Variants in CCDC30 observed in about 807,000 individuals in gnomAD.
The protein encoded by CCDC30 is coiled-coil domain containing 30.
CCDC30 carries 70 observed loss-of-function variants against 100.2 expected under a neutral mutation model. That is an observed-to-expected ratio of 0.70 (90% CI 0.58 to 0.85). The LOEUF (loss-of-function observed/expected upper bound fraction) is 0.85, where lower values mean the gene tolerates loss of function less well. Ranked by LOEUF, CCDC30 falls within the 40% of genes least tolerant of loss-of-function variation. CCDC30 has a pLI of 0.00. For synonymous variants in CCDC30, 233 were observed against 269.5 expected (o/e 0.86, Z 1.33); for missense variants, 652 against 771.2 (o/e 0.85, Z 1.83).
At chr1:42,584,432 A>G (rs1646028392) in intron 9 of CCDC30, among the ~76,000 whole-genome samples, 1 of 152,070 alleles carries the variant, frequency 6.6e-6, no homozygotes, top group African/African-American at 2.4e-5. Context: ...CTTTACTTAA[A>G]AATACAAAAA....
intron 1 of CCDC30, among the ~76,000 whole-genome samples, chr1:42,470,139 G>A (rs1335810872): frequency 6.6e-6 from 1 of 152,200 alleles, no homozygotes; most frequent in Non-Finnish European, 1.5e-5. Context: ...ATGATCAACA[G>A]TTGGGTTTAG....
chr1:42,503,916 GACAC>G (rs1464917427), intron 6 of CCDC30, among the ~76,000 whole-genome samples: 1 of 152,166 alleles, frequency 6.6e-6, no homozygotes, highest in Non-Finnish European at 1.5e-5. Context: ...AGGAATTAAA[GACAC>G]ACACACAGAA....
At chr1:42,494,006 G>T (rs923059579) in intron 4 of CCDC30, among the ~76,000 whole-genome samples, 1 of 152,134 alleles carries the variant, frequency 6.6e-6, no homozygotes, top group Non-Finnish European at 1.5e-5. Flanking sequence ...TTGAAGTCAA[G>T]AGTTCAAGAC....
At chr1:42,564,769 C>T (rs1645571702) in intron 6 of CCDC30, among the ~76,000 whole-genome samples, 1 of 152,096 alleles carries the variant, frequency 6.6e-6, no homozygotes, top group South Asian at 2.1e-4. Context: ...ATGTACATAT[C>T]CAGAATTTAT....
chr1:42,497,466 G>A (rs1644247926), intron 5 of CCDC30, among the ~76,000 whole-genome samples: 1 of 151,978 alleles, frequency 6.6e-6, no homozygotes, highest in African/African-American at 2.4e-5. Context: ...TTTAAATAAG[G>A]AATTAGATAA....
chr1:42,524,976 A>G (rs1033478669), intron 6 of CCDC30, among the ~76,000 whole-genome samples: 14 of 152,182 alleles, frequency 9.2e-5, no homozygotes, highest in African/African-American at 3.4e-4. Flanking sequence ...TTTTAACAAT[A>G]CTTTATAGAT....
intron 10 of CCDC30, among the ~76,000 whole-genome samples, chr1:42,607,819 C>T (rs770588887): frequency 1.3e-5 from 2 of 152,176 alleles, no homozygotes; most frequent in Non-Finnish European, 2.9e-5. Flanking sequence ...GTCTGCACAA[C>T]AGGAACTCTT....
chr1:42,523,158 T>C (rs929487081), intron 6 of CCDC30, among the ~76,000 whole-genome samples: 2 of 152,180 alleles, frequency 1.3e-5, no homozygotes, highest in African/African-American at 4.8e-5. Context: ...AGCCGGTGTA[T>C]TTACTTTTAC....
chr1:42,514,966 A>C (rs1444506756), intron 6 of CCDC30, among the ~76,000 whole-genome samples: 1 of 152,116 alleles, frequency 6.6e-6, no homozygotes, highest in South Asian at 2.1e-4. Flanking sequence ...TAGGTGTTGA[A>C]TTGTGTCCTG....
intron 1 of CCDC30, among the ~76,000 whole-genome samples, chr1:42,478,327 G>T (rs1207273648): frequency 6.6e-6 from 1 of 152,172 alleles, no homozygotes; most frequent in Non-Finnish European, 1.5e-5. Context: ...AATGGTGAGG[G>T]AAGATGAACT....
intron 11 of CCDC30, among the ~76,000 whole-genome samples, chr1:42,612,044 G>A (rs982345524): frequency 6.6e-6 from 1 of 152,002 alleles, no homozygotes; most frequent in Admixed American, 6.5e-5. Context: ...ATTCTCCCAA[G>A]TTCACTCCTA....
At chr1:42,588,734 C>T (rs1249552086) in intron 9 of CCDC30, among the ~76,000 whole-genome samples, 2 of 152,146 alleles carry the variant, frequency 1.3e-5, no homozygotes, top group Admixed American at 6.5e-5. Flanking sequence ...AGTCTTCACG[C>T]AGATAAGAGA....
At chr1:42,484,082 A>AACATTAAAC (rs773907043) in intron 3 of CCDC30, among the ~76,000 whole-genome samples, 1 of 152,062 alleles carries the variant, frequency 6.6e-6, no homozygotes, top group Non-Finnish European at 1.5e-5. Flanking sequence ...AAAAATGTTA[A>AACATTAAAC]ATGTATAAAA....
chr1:42,485,403 GA>G (rs1159956939), intron 3 of CCDC30, among the ~76,000 whole-genome samples: 3 of 152,108 alleles, frequency 2.0e-5, no homozygotes, highest in African/African-American at 7.2e-5. Flanking sequence ...TAGACTAGAA[GA>G]AAATATTTGC....
At chr1:42,573,630 T>C (rs1645777401) in intron 7 of CCDC30, among the ~76,000 whole-genome samples, 1 of 152,132 alleles carries the variant, frequency 6.6e-6, no homozygotes, top group Non-Finnish European at 1.5e-5. Flanking sequence ...ATAGAACTGG[T>C]GACAGTAGGC....
At chr1:42,614,026 A>G (rs1175661198) in intron 11 of CCDC30, among the ~76,000 whole-genome samples, 1 of 151,742 alleles carries the variant, frequency 6.6e-6, no homozygotes, top group Non-Finnish European at 1.5e-5. Flanking sequence ...CCTCGTTAGC[A>G]TTGAATACTA....
intron 1 of CCDC30, among the ~76,000 whole-genome samples, chr1:42,478,140 G>A (rs1204832542): frequency 6.6e-6 from 1 of 152,152 alleles, no homozygotes; most frequent in Non-Finnish European, 1.5e-5. Flanking sequence ...AATATCTGGA[G>A]AATCACTAAA....
intron 12 of CCDC30, among the ~76,000 whole-genome samples, chr1:42,640,044 A>G (rs1324419277): frequency 6.6e-6 from 1 of 152,170 alleles, no homozygotes; most frequent in East Asian, 1.9e-4. Context: ...TGACAGAATT[A>G]GAACGACTTA....
chr1:42,560,660 A>C (rs564391727), intron 6 of CCDC30, among the ~76,000 whole-genome samples: 25 of 152,180 alleles, frequency 1.6e-4, no homozygotes, highest in African/African-American at 6.0e-4. Context: ...GAGCCACTGC[A>C]CCCGGCCCAG....
Sources: allele counts gnomAD v4.1 joint callset (sites outside exome capture counted in the v4.1 genomes callset), GRCh38; gene constraint gnomAD v4.1.1; transcripts MANE v1.5; gene names NCBI Gene and HGNC (gene_info 2026-07-23, HGNC 2026-07-21).